The following OR9Q1 variants were observed in gnomAD, a reference collection of about 807,000 sequenced individuals.
OR9Q1 encodes olfactory receptor 9Q1.
For missense variants in OR9Q1, 374 were observed against 378.8 expected, an observed-to-expected ratio of 0.99 and a Z score of 0.11; for synonymous variants, 153 against 148.6, an observed-to-expected ratio of 1.03 and a Z score of -0.22.
At chr11:58,092,242 T>G (rs1038194174) in intron 2 of OR9Q1, among the ~76,000 whole-genome samples, 3 of 151,982 alleles carry the variant, frequency 2.0e-5, no homozygotes, top group East Asian at 3.9e-4. Context: ...CATAGTGTCG[T>G]ATATTTTTGT....
rs115576664 is a variant in OR9Q1, at chr11:58,118,664, G to T, written c.-14-60767G>T. On this transcript the variant is annotated intron_variant, in intron 2 of 2. Transcript: ENST00000335397. ...TCCAGAGATTTGCCTGAGCCACTTTGCAGATACATGAAGATAAGGGCTCCA... is the reference window on the plus strand; with the variant it reads ...TCCAGAGATTTGCCTGAGCCACTTTTCAGATACATGAAGATAAGGGCTCCA... The T allele has an allele frequency of 1.6e-4, 261 of 1,613,982 alleles. No individual in the cohort carries two copies. In the African/African-American group the frequency reaches 3.3e-3, roughly 20 times the overall value.
chr11:58,112,038 A>G (rs1029184865), intron 2 of OR9Q1, among the ~76,000 whole-genome samples: 3 of 152,176 alleles, frequency 2.0e-5, no homozygotes, highest in Non-Finnish European at 2.9e-5. Context: ...CTGTAATCCC[A>G]GCACTTTTGG....
intron 1 of OR9Q1, among the ~76,000 whole-genome samples, chr11:58,039,606 T>C (rs563016334): frequency 1.3e-5 from 2 of 152,340 alleles, no homozygotes; most frequent in East Asian, 3.9e-4. Flanking sequence ...GAGCAGACTT[T>C]GCATAGGTGG....
chr11:58,118,243 T>A, intron 2 of OR9Q1: 1 of 314,502 alleles, frequency 3.2e-6, no homozygotes, highest in South Asian at 9.9e-5. Flanking sequence ...ATTCTATAAG[T>A]TGTGACATTA....
At chr11:58,129,334 G>A (rs1854118963) in intron 2 of OR9Q1, among the ~76,000 whole-genome samples, 1 of 151,236 alleles carries the variant, frequency 6.6e-6, no homozygotes, top group Non-Finnish European at 1.5e-5. Flanking sequence ...TCCCACAATA[G>A]CCCCCTAAAT....
chr11:58,148,694 T>C (rs185740597), intron 2 of OR9Q1, among the ~76,000 whole-genome samples: 263 of 152,336 alleles, frequency 1.7e-3, no homozygotes, highest in African/African-American at 5.7e-3. Context: ...AAGGCAGCTC[T>C]AGTTTTTGAA....
intron 2 of OR9Q1, among the ~76,000 whole-genome samples, chr11:58,107,366 G>A (rs1453338088): frequency 3.9e-5 from 6 of 152,056 alleles, no homozygotes; most frequent in Admixed American, 2.6e-4. Flanking sequence ...GCGGTGTTTG[G>A]TTTTCTGTCC....
At chr11:58,176,200 AT>A (rs954496065) in intron 2 of OR9Q1, among the ~76,000 whole-genome samples, 120 of 152,238 alleles carry the variant, frequency 7.9e-4, no homozygotes, top group African/African-American at 2.9e-3. Context: ...GGCAATGGGC[AT>A]AACTTCTGAC....
At position 58,176,373 on chromosome 11, in the gene OR9Q1, A is replaced by G. The variant is rs146697913; in HGVS notation, c.-14-3058A>G. 4.6e-5 allele frequency among the ~76,000 whole-genome samples: 7 copies of G among 152,348 alleles called. No homozygotes were observed. The East Asian group carries it at 1.4e-3, about 29-fold the overall frequency. On this transcript the variant is annotated intron_variant, in intron 2 of 2. Coordinates refer to ENST00000335397, the MANE Select transcript of OR9Q1 (RefSeq NM_001005212.4). ...CTTTTCTCCTCCTATGTAGGTGCCT[A>G]GTGAGAAACCTACATGTGCAATAAT...
At chr11:58,087,265 T>C (rs1290577608) in intron 2 of OR9Q1, among the ~76,000 whole-genome samples, 1 of 151,782 alleles carries the variant, frequency 6.6e-6, no homozygotes, top group Non-Finnish European at 1.5e-5. Context: ...ACTCAATACA[T>C]CATCAATCTC....
At chr11:58,141,161 C>A (rs1854244994) in intron 2 of OR9Q1, among the ~76,000 whole-genome samples, 1 of 152,186 alleles carries the variant, frequency 6.6e-6, no homozygotes, top group African/African-American at 2.4e-5. Context: ...ATGTCATCTG[C>A]AAACAGGGAC....
intron 2 of OR9Q1, chr11:58,145,341 A>G (rs1854290580): frequency 1.3e-5 from 2 of 152,536 alleles, no homozygotes; most frequent in Admixed American, 6.6e-5. Context: ...GCTAAATCCA[A>G]TGATCTACAG....
intron 1 of OR9Q1, among the ~76,000 whole-genome samples, chr11:58,046,642 G>A (rs542117450): frequency 4.6e-5 from 7 of 152,088 alleles, no homozygotes; most frequent in Non-Finnish European, 7.4e-5. Flanking sequence ...CGGGTGGATC[G>A]TCTGAGGTCA....
At chr11:58,034,161 C>T (rs982974057) in intron 1 of OR9Q1, among the ~76,000 whole-genome samples, 1 of 145,188 alleles carries the variant, frequency 6.9e-6, no homozygotes, top group African/African-American at 2.6e-5. Context: ...TCTCGGCTCA[C>T]TGCAAGCTCC....
chr11:58,078,582 T>A (rs555759529), intron 2 of OR9Q1: 1 of 152,212 alleles, frequency 6.6e-6, no homozygotes, highest in Admixed American at 6.6e-5. Flanking sequence ...AACCCATTCA[T>A]AGAGATGAGA....
At chr11:58,158,411 C>T (rs369995260) in intron 2 of OR9Q1, among the ~76,000 whole-genome samples, 6 of 139,356 alleles carry the variant, frequency 4.3e-5, no homozygotes, top group Admixed American at 3.2e-4. Context: ...AACATAGCCG[C>T]CTAGGTCTGC....
At chr11:58,108,843 T>C (rs771543121) in intron 2 of OR9Q1, 6 of 349,732 alleles carry the variant, frequency 1.7e-5, no homozygotes, top group Non-Finnish European at 3.4e-5. Context: ...AGACAGACAC[T>C]ATCTTGTCTT....
chr11:58,124,561 ATTG>A (rs1854070010), intron 2 of OR9Q1: 1 of 152,174 alleles, frequency 6.6e-6, no homozygotes, highest in South Asian at 2.1e-4. Flanking sequence ...GTCTTGAAAT[ATTG>A]TTGTTAACAT....
At chr11:58,152,092 G>T (rs1854358775) in intron 2 of OR9Q1, among the ~76,000 whole-genome samples, 1 of 152,138 alleles carries the variant, frequency 6.6e-6, no homozygotes. Context: ...ATTACAGATG[G>T]AGTAGTGATT....
Sources: allele counts gnomAD v4.1 joint callset (sites outside exome capture counted in the v4.1 genomes callset), GRCh38; gene constraint gnomAD v4.1.1; transcripts MANE v1.5; gene names NCBI Gene and HGNC (gene_info 2026-07-23, HGNC 2026-07-21).